Variants in RECQL observed in about 807,000 individuals in gnomAD.
The protein encoded by RECQL is RecQ like helicase.
A neutral mutation model predicts 75.8 loss-of-function variants in RECQL; 73 were observed. That is an observed-to-expected ratio of 0.96 (90% confidence interval 0.80 to 1.17). The LOEUF is 1.17. Ranked by LOEUF, RECQL falls within the 50% of genes most tolerant of loss-of-function variation. The pLI, the probability that RECQL is intolerant of heterozygous loss-of-function variation, is 0.00. For missense variants in RECQL, 699 were observed against 772.1 expected, an observed-to-expected ratio of 0.91 and a Z score of 1.12; for synonymous variants, 248 against 254.4, an observed-to-expected ratio of 0.97 and a Z score of 0.24.
chr12:21,474,957 G>C lies in RECQL; in HGVS notation c.1239C>G (p.Asp413Glu), dbSNP rs749586645. The change falls in exon 11 of 15, where the codon GAC becomes GAG. Residue 413 changes from aspartate (D) to glutamate (E), a missense_variant. By Grantham distance (45) the Asp-to-Glu change is conservative. Around this residue, in one of 2 missense-constraint regions of RECQL, gnomAD observed 669 missense variants for 713.5 expected, o/e 0.94. Coordinates refer to ENST00000444129, the MANE Select transcript of RECQL (RefSeq NM_002907.4). The part of the protein sequence containing the change: ...GRAGRDDMKA[D>E]CILYYGFGDI... The stretch of plus-strand genomic sequence containing the variant: ...CTCCAAAGCCGTAGTACAAAATACA[G>C]TCTGCTTTCATGTCATCTCGACCTG... 2 of 1,612,766 alleles carry C rather than the reference G, an allele frequency of 1.2e-6. No individual in the cohort carries two copies. Among genetic ancestry groups the C allele is most frequent in the Non-Finnish European group, 1.7e-6 (2 of 1,179,064 alleles).
intron 6 of RECQL, among the ~76,000 whole-genome samples, chr12:21,480,045 A>G (rs1943163009): frequency 6.6e-6 from 1 of 152,196 alleles, no homozygotes; most frequent in South Asian, 2.1e-4. Context: ...CAAGCAAAGA[A>G]ACAAGACAAT....
At chr12:21,473,421 T>C (rs1044711374) in intron 12 of RECQL, 130 bp downstream of exon 12, 1 of 697,000 alleles carries the variant, frequency 1.4e-6, no homozygotes, top group African/African-American at 1.8e-5. Flanking sequence ...ACCATCTAGG[T>C]TTATGTAAGT....
In RECQL at chr12:21,474,835, GCTTA is replaced by G. The variant is rs767573202; in HGVS notation, c.1355+2_1355+5del. On this transcript the variant is annotated splice_donor_variant and splice_donor_5th_base_variant and intron_variant, in intron 11 of 14. Coordinates refer to ENST00000444129, the MANE Select transcript of RECQL (RefSeq NM_002907.4). LOFTEE classifies it high-confidence loss of function. ...GATAAAAGTTATAAAAAGGTATGTG[GCTTA>G]CTTGCTTATGTTTTGACAGTATGAT... is the stretch of plus-strand genomic sequence containing the variant. 3 of 1,611,172 alleles carry G rather than the reference GCTTA, an allele frequency of 1.9e-6. No homozygotes were observed. The highest frequency in any genetic ancestry group is 2.5e-6 in the Non-Finnish European group (3 of 1,177,934).
chr12:21,493,204 G>A lies in RECQL; in HGVS notation c.17-1488C>T, dbSNP rs146911557. ...CTTTCTGATCTGATTAGATTTCAAGGCATTAATAACCCTGTTTCCACTGAT... is the reference window on the plus strand; with the variant it reads ...CTTTCTGATCTGATTAGATTTCAAGACATTAATAACCCTGTTTCCACTGAT... On this transcript the variant is annotated intron_variant, in intron 2 of 14. Coordinates refer to ENST00000444129, the MANE Select transcript of RECQL (RefSeq NM_002907.4). Among the ~76,000 whole-genome samples the A allele has an allele frequency of 6.7e-3, 1,013 of 152,230 alleles. 20 individuals are homozygous for A. Among genetic ancestry groups the A allele is most frequent in the African/African-American group, 0.022 (914 of 41,532 alleles).
intron 7 of RECQL, 27 bp downstream of exon 7, chr12:21,477,772 AAAGT>A (rs1943112735): frequency 2.6e-6 from 4 of 1,549,710 alleles, no homozygotes; most frequent in African/African-American, 2.7e-5. Context: ...ATTCTTCACA[AAAGT>A]AAGGAATTGA....
Position 21,490,352 on chromosome 12 carries a change from CTT to C in RECQL, c.239_240del (p.Lys80ArgfsTer8). 1.2e-6 allele frequency: 2 copies of C among 1,611,464 alleles called. No individual in the cohort carries two copies. Among genetic ancestry groups the C allele is most frequent in the Non-Finnish European group, 1.7e-6 (2 of 1,178,318 alleles). ...AGTTTAAAGACATTTTGCAGAATAT[CTT>C]TAACTTTACCAGACCATGGAAAATC... is the stretch of plus-strand genomic sequence containing the variant. ...KEDFPWSGKV[K>X]DILQNVFKLE... On this transcript the variant is annotated frameshift_variant, in exon 4 of 15. Coordinates refer to ENST00000444129, the MANE Select transcript of RECQL (RefSeq NM_002907.4). LOFTEE classifies it high-confidence loss of function.
chr12:21,471,762 A>T (rs1942972670), intron 12 of RECQL, 115 bp from the exon 13 acceptor site: 1 of 718,512 alleles, frequency 1.4e-6, no homozygotes, highest in South Asian at 1.7e-5. Context: ...AGCCACCCTA[A>T]ACATTGATTT....
Position 21,499,617 on chromosome 12 carries a change from TA to T in RECQL, c.-45-3del. 6.6e-7 allele frequency: 1 copy of T among 1,515,988 alleles called. No individual in the cohort carries two copies. Among genetic ancestry groups the T allele is most frequent in the Non-Finnish European group, 9.1e-7 (1 of 1,104,812 alleles). The allele number at this position is 1,515,988 out of a possible 1,614,324, so 93.9% of individuals were successfully genotyped here. On this transcript the variant is annotated splice_polypyrimidine_tract_variant and splice_region_variant and intron_variant, in intron 1 of 14. Transcript: ENST00000444129. ...TTCTAAAATAATCCAAATTTCTTTCTAAAAATAAAAGCACAACAGTGACAAC... is the reference window on the plus strand; with the variant it reads ...TTCTAAAATAATCCAAATTTCTTTCTAAAATAAAAGCACAACAGTGACAAC...
Position 21,483,534 on chromosome 12 carries a change from T to C in RECQL, c.542A>G (p.Asn181Ser), listed in dbSNP as rs961953195. 1 of 1,580,148 alleles carries C rather than the reference T, an allele frequency of 6.3e-7. No homozygotes were observed. Among genetic ancestry groups the C allele is most frequent in the African/African-American group, 1.4e-5 (1 of 72,312 alleles). Residue 181 changes from asparagine (N) to serine (S), a missense_variant, in exon 6 of 15, where the codon AAC (asparagine) becomes AGC (serine). Physicochemically the swap from Asn to Ser is conservative, Grantham distance 46. Around this residue, in one of 2 missense-constraint regions of RECQL, gnomAD observed 669 missense variants for 713.5 expected, o/e 0.94. Transcript: ENST00000444129. ...KWVHAEMVNK[N>S]SELKLIYVTP... Reference sequence around the variant, plus strand: ...CACATAAATCAGCTTTAACTCGGAGTTTTTATTTACCATTTCAGCATGAAC... The same window carrying C: ...CACATAAATCAGCTTTAACTCGGAGCTTTTATTTACCATTTCAGCATGAAC...
At chr12:21,485,948 G>C (rs143657820) in intron 5 of RECQL, among the ~76,000 whole-genome samples, 37 of 152,220 alleles carry the variant, frequency 2.4e-4, no homozygotes, top group African/African-American at 8.4e-4. Context: ...AAATTCCACA[G>C]GTATAGGGTA....
chr12:21,480,287 GA>G (rs979257384), intron 6 of RECQL, among the ~76,000 whole-genome samples: 8 of 152,130 alleles, frequency 5.3e-5, no homozygotes, highest in African/African-American at 1.7e-4. Context: ...TGTGTATTTA[GA>G]AAATATCACT....
At chr12:21,470,482 A>G in intron 14 of RECQL, 136 bp from the exon 15 acceptor site, 1 of 1,051,600 alleles carries the variant, frequency 9.5e-7, no homozygotes, top group South Asian at 2.0e-5. Context: ...CTAGTTTTTT[A>G]TCTACAAATT....
chr12:21,480,389 A>C (rs1943170232), intron 6 of RECQL, among the ~76,000 whole-genome samples: 1 of 152,216 alleles, frequency 6.6e-6, no homozygotes, highest in African/African-American at 2.4e-5. Flanking sequence ...AAGGGAGCTC[A>C]ACTGTATGTA....
rs1061627 is a variant in RECQL at position 21,501,473 on chromosome 12, G to A, written c.-349C>T. On this transcript the variant is annotated 5_prime_UTR_variant, in exon 1 of 15. Coordinates refer to ENST00000444129, the MANE Select transcript of RECQL (RefSeq NM_002907.4). ...AGAGCCTCTCCCCACCGAGAAGCCCGGTCTAACTCTCCGGTGTTTGACTGT... is the reference window on the plus strand; with the variant it reads ...AGAGCCTCTCCCCACCGAGAAGCCCAGTCTAACTCTCCGGTGTTTGACTGT... 0.69 allele frequency: 110,634 copies of A among 161,314 alleles called. 41,339 individuals carry two copies. Among genetic ancestry groups the A allele is most frequent in the East Asian group, 0.97 (5,246 of 5,396 alleles). 10.0% of individuals were successfully genotyped at this position (161,314 alleles called of 1,614,324 possible).
chr12:21,480,278 G>A (rs913680978), intron 6 of RECQL, among the ~76,000 whole-genome samples: 4 of 152,154 alleles, frequency 2.6e-5, no homozygotes, highest in African/African-American at 4.8e-5. Context: ...ATGATTTGAT[G>A]TGTATTTAGA....
intron 2 of RECQL, among the ~76,000 whole-genome samples, chr12:21,493,216 C>G (rs1234141053): frequency 6.6e-6 from 1 of 152,194 alleles, no homozygotes; most frequent in Non-Finnish European, 1.5e-5. Context: ...ATTAATAACC[C>G]TGTTTCCACT....
chr12:21,472,092 GTTATT>G (rs1212253512), intron 12 of RECQL, among the ~76,000 whole-genome samples: 5 of 151,970 alleles, frequency 3.3e-5, no homozygotes. Flanking sequence ...TAACACTCTT[GTTATT>G]TTATAAGATA....
chr12:21,499,651 T>A, intron 1 of RECQL, 36 bp from the exon 2 acceptor site: 1 of 1,094,144 alleles, frequency 9.1e-7, no homozygotes, highest in Non-Finnish European at 1.4e-6. Flanking sequence ...AACAAGTTTT[T>A]AAAAATAGTA....
intron 6 of RECQL, among the ~76,000 whole-genome samples, chr12:21,479,501 C>T (rs1389684847): frequency 6.6e-6 from 1 of 151,848 alleles, no homozygotes; most frequent in Admixed American, 6.6e-5. Flanking sequence ...TACAGGCATA[C>T]ACCGCCACAC....
Sources: allele counts gnomAD v4.1 joint callset (sites outside exome capture counted in the v4.1 genomes callset), GRCh38; gene constraint gnomAD v4.1.1; regional missense constraint gnomAD v4.1.1; transcripts MANE v1.5; gene names NCBI Gene and HGNC (gene_info 2026-07-23, HGNC 2026-07-21).